KAT7: variants seen among roughly 807,000 people sequenced by gnomAD.
KAT7 encodes the protein lysine acetyltransferase 7, also known as histone acetyltransferase KAT7.
In KAT7, 10 loss-of-function variants were observed where a neutral mutation model predicts 82.1. The ratio of observed to expected loss-of-function variants is 0.12; its 90% CI spans 0.08 to 0.21. The LOEUF (loss-of-function observed/expected upper bound fraction) is 0.21. Among genes scored for constraint, KAT7 ranks in the 10% least tolerant of loss-of-function variants. The pLI is 1.00. For synonymous variants in KAT7, 250 were observed against 262.5 expected, an observed-to-expected ratio of 0.95 and a Z score of 0.46; for missense variants, 378 against 760.9, an observed-to-expected ratio of 0.50 and a Z score of 5.92.
intron 11 of KAT7, among the ~76,000 whole-genome samples, chr17:49,822,372 C>A (rs1481067382): frequency 3.9e-5 from 6 of 151,916 alleles, no homozygotes; most frequent in Admixed American, 3.3e-4. Context: ...GGATAACAGG[C>A]GCCTGCCACC....
At chr17:49,814,330 G>A (rs1266329144) in intron 7 of KAT7, among the ~76,000 whole-genome samples, 1 of 152,186 alleles carries the variant, frequency 6.6e-6, no homozygotes, top group Non-Finnish European at 1.5e-5. Context: ...TGTACAGTGA[G>A]GGCTTTAGTA....
Position 49,827,630 on chromosome 17 carries a change from A to G in KAT7, c.*128A>G. On this transcript the variant is annotated 3_prime_UTR_variant, in exon 15 of 15. Coordinates refer to ENST00000259021, the MANE Select transcript of KAT7 (RefSeq NM_007067.5). Reference sequence around the variant, plus strand: ...ATCCTTTGGGAAGGCCATCCCCCTCAGGACTGTCCTGGCTCCGACCTTTGT... The same window carrying G: ...ATCCTTTGGGAAGGCCATCCCCCTCGGGACTGTCCTGGCTCCGACCTTTGT... 1.5e-6 allele frequency: 1 copy of G among 662,132 alleles called. No individual in the cohort carries two copies. The allele number at this position is 662,132 out of a possible 1,614,324, so 41.0% of individuals were successfully genotyped here.
chr17:49,789,173 C>T (rs1257478645), intron 1 of KAT7: 1 of 244,278 alleles, frequency 4.1e-6, no homozygotes, highest in Non-Finnish European at 7.9e-6. Flanking sequence ...CGTGCGGGGG[C>T]GGTGTCTGGC....
chr17:49,809,416 G>A (rs190762659), intron 6 of KAT7, among the ~76,000 whole-genome samples: 80 of 152,336 alleles, frequency 5.3e-4, no homozygotes, highest in African/African-American at 1.5e-3. Flanking sequence ...GCTATCTACA[G>A]TAGTAGTAAT....
intron 9 of KAT7, among the ~76,000 whole-genome samples, chr17:49,820,427 C>A (rs1022326411): frequency 6.6e-6 from 1 of 151,930 alleles, no homozygotes; most frequent in Admixed American, 6.6e-5. Flanking sequence ...TACAGGCCCC[C>A]GCTGCCACAC....
intron 5 of KAT7, among the ~76,000 whole-genome samples, chr17:49,808,880 C>T (rs189018849): frequency 2.6e-5 from 4 of 152,278 alleles, no homozygotes; most frequent in Admixed American, 2.0e-4. Context: ...ATGATTAAAA[C>T]CTTAGTGATC....
At chr17:49,800,783 T>G (rs2074014845) in intron 4 of KAT7, among the ~76,000 whole-genome samples, 1 of 152,042 alleles carries the variant, frequency 6.6e-6, no homozygotes, top group African/African-American at 2.4e-5. Flanking sequence ...CAACTGGAGA[T>G]AAATGCTGTG....
intron 4 of KAT7, among the ~76,000 whole-genome samples, chr17:49,804,284 C>T (rs1277225407): frequency 2.6e-5 from 4 of 151,126 alleles, no homozygotes; most frequent in African/African-American, 9.7e-5. Flanking sequence ...GAGGCTGAGG[C>T]GGGAGAATGG....
chr17:49,800,243 C>T (rs2074007693), intron 4 of KAT7, among the ~76,000 whole-genome samples: 1 of 152,040 alleles, frequency 6.6e-6, no homozygotes, highest in Non-Finnish European at 1.5e-5. Flanking sequence ...GATCTCCTGA[C>T]CTCGTGATCC....
At chr17:49,815,574 C>G (rs2074223970) in intron 7 of KAT7, 1 of 400,718 alleles carries the variant, frequency 2.5e-6, no homozygotes, top group African/African-American at 2.0e-5. Flanking sequence ...AAGCTCCCTT[C>G]TGGAGCTGTG....
intron 5 of KAT7, among the ~76,000 whole-genome samples, chr17:49,807,895 CCATTTATT>C (rs1450312890): frequency 5.3e-4 from 81 of 152,158 alleles, no homozygotes; most frequent in Middle Eastern, 3.4e-3. Context: ...GACAGTATTG[CCATTTATT>C]AATACTGGGA....
intron 1 of KAT7, chr17:49,789,383 A>C (rs920773102): frequency 7.2e-5 from 11 of 152,652 alleles, no homozygotes; most frequent in African/African-American, 2.7e-4. Flanking sequence ...GGTGAGGGGC[A>C]CAACAAAGCA....
intron 11 of KAT7, among the ~76,000 whole-genome samples, chr17:49,822,260 C>G (rs1224774036): frequency 4.0e-5 from 6 of 151,692 alleles, no homozygotes; most frequent in Non-Finnish European, 8.8e-5. Context: ...CAGAGTCTCA[C>G]TCTGTTGCCC....
rs2074435868 is a variant in KAT7, at chr17:49,832,905, T to A, written c.*5403T>A. 1 of 152,270 alleles carries A rather than the reference T, an allele frequency of 6.6e-6. No individual in the cohort carries two copies. The highest frequency in any genetic ancestry group is 2.1e-4 in the South Asian group (1 of 4,838). The allele number at this position is 152,270 out of a possible 1,614,324, so 9.4% of individuals were successfully genotyped here. A position where few individuals can be genotyped will look rare whatever the true frequency, so the allele number is the denominator to read the frequency against. On this transcript the variant is annotated 3_prime_UTR_variant, in exon 15 of 15. Coordinates refer to ENST00000259021, the MANE Select transcript of KAT7 (RefSeq NM_007067.5). ...ATCATGGAATCGGACCTCAGCTGGT[T>A]TTGCCTCAGCACTTTCTTTCACAAA...
Position 49,831,064 on chromosome 17 carries a change from T to G in KAT7, c.*3562T>G, listed in dbSNP as rs1340111808. On this transcript the variant is annotated 3_prime_UTR_variant, in exon 15 of 15. Transcript: ENST00000259021. ...TGGGAGGCCAAGGCGGGCAGATCGC[T>G]TGAGTCCAGGAATTCGAGACTAGCC... 6.6e-6 allele frequency: 1 copy of G among 152,292 alleles called. No homozygotes were observed. Among genetic ancestry groups the G allele is most frequent in the Non-Finnish European group, 1.5e-5 (1 of 68,100 alleles). The allele number at this position is 152,292 out of a possible 1,614,324, so 9.4% of individuals were successfully genotyped here.
chr17:49,813,012 T>C (rs529022887), intron 7 of KAT7, among the ~76,000 whole-genome samples: 2 of 150,298 alleles, frequency 1.3e-5, no homozygotes, highest in East Asian at 3.9e-4. Context: ...TTTTTTTTTT[T>C]TTTTTTTTTT....
chr17:49,802,539 G>A lies in KAT7; in HGVS notation c.581-2824G>A, dbSNP rs563235375. Among the ~76,000 whole-genome samples the A allele has an allele frequency of 2.6e-4, 39 of 152,054 alleles. No individual in the cohort carries two copies. In the South Asian group the frequency reaches 3.1e-3, roughly 12 times the overall value. ...AAAATTAGCCAGGCGTGGTGGCGGC[G>A]CTTGTAATCCCAGCTACTGGGGAGG... On this transcript the variant is annotated intron_variant, in intron 4 of 14. Coordinates refer to ENST00000259021, the MANE Select transcript of KAT7 (RefSeq NM_007067.5).
intron 9 of KAT7, 30 bp from the exon 10 acceptor site, chr17:49,821,307 T>C (rs2074300748): frequency 3.9e-6 from 6 of 1,558,040 alleles, no homozygotes; most frequent in Non-Finnish European, 5.3e-6. Context: ...GAGGCTTTGG[T>C]TCCCTGATGT....
chr17:49,798,827 C>T (rs1462752820), intron 4 of KAT7, among the ~76,000 whole-genome samples: 1 of 152,112 alleles, frequency 6.6e-6, no homozygotes, highest in Non-Finnish European at 1.5e-5. Context: ...CCTCATTTTC[C>T]TAGCAAAAGC....
Sources: allele counts gnomAD v4.1 joint callset (sites outside exome capture counted in the v4.1 genomes callset), GRCh38; gene constraint gnomAD v4.1.1; transcripts MANE v1.5; gene names NCBI Gene and HGNC (gene_info 2026-07-23, HGNC 2026-07-21).